Variants in GPM6A observed in about 807,000 individuals in gnomAD.
The protein encoded by GPM6A is glycoprotein M6A.
Under a neutral mutation model 32.1 loss-of-function variants are expected in GPM6A, and 7 were observed. The observed-to-expected ratio is 0.22, with a 90% CI of 0.12 to 0.41. GPM6A has a LOEUF of 0.41. GPM6A is among the 10% of genes least tolerant of loss of function. The pLI is 1.00. For missense variants in GPM6A, 235 were observed against 347.2 expected, an observed-to-expected ratio of 0.68 and a Z score of 2.57; for synonymous variants, 130 against 123.4, an observed-to-expected ratio of 1.05 and a Z score of -0.35.
intron 1 of GPM6A, among the ~76,000 whole-genome samples, chr4:175,752,585 G>A (rs1310195553): frequency 2.0e-5 from 3 of 152,108 alleles, no homozygotes; most frequent in Non-Finnish European, 2.9e-5. Context: ...CCTACAAGAA[G>A]ACATATTTCC....
At chr4:175,685,644 T>G (rs1166235525) in intron 2 of GPM6A, among the ~76,000 whole-genome samples, 2 of 152,218 alleles carry the variant, frequency 1.3e-5, no homozygotes, top group African/African-American at 4.8e-5. Flanking sequence ...TTATTTCTTG[T>G]TTGCCAATTA....
At chr4:175,697,695 T>C (rs1231288179) in intron 2 of GPM6A, among the ~76,000 whole-genome samples, 1 of 152,158 alleles carries the variant, frequency 6.6e-6, no homozygotes, top group African/African-American at 2.4e-5. Context: ...AAATGAGTTA[T>C]ATAAATGAGT....
At chr4:175,759,583 T>G (rs995334638) in intron 1 of GPM6A, among the ~76,000 whole-genome samples, 3 of 152,198 alleles carry the variant, frequency 2.0e-5, no homozygotes, top group Non-Finnish European at 4.4e-5. Flanking sequence ...ATTATGAGTT[T>G]AAACTCATAT....
At chr4:175,761,248 CCAT>C (rs1732726920) in intron 1 of GPM6A, among the ~76,000 whole-genome samples, 1 of 152,198 alleles carries the variant, frequency 6.6e-6, no homozygotes, top group Admixed American at 6.5e-5. Flanking sequence ...CCTCACACCA[CCAT>C]GTCTGCCTGT....
At position 175,752,079 on chromosome 4, in the gene GPM6A, A is replaced by G. The variant is rs73006360; in HGVS notation, c.38-50312T>C. Among the ~76,000 whole-genome samples the G allele has an allele frequency of 4.7e-3, 713 of 152,066 alleles. 3 individuals carry two copies. The highest frequency in any genetic ancestry group is 0.016 in the African/African-American group (645 of 41,480). On this transcript the variant is annotated intron_variant, in intron 1 of 6. Coordinates refer to ENST00000393658, the MANE Select transcript of GPM6A (RefSeq NM_201591.3). ...GTACCTAATTGCTGAAAACTATGGA[A>G]CCTTCCTGTTTTTCTCTTTTTTCAA...
chr4:175,855,453 T>C (rs1196699286), intron 1 of GPM6A, among the ~76,000 whole-genome samples: 2 of 152,086 alleles, frequency 1.3e-5, no homozygotes, highest in Middle Eastern at 3.2e-3. Flanking sequence ...GTATTACAAA[T>C]GTATGAAAAA....
At chr4:175,873,234 G>T (rs1736968521) in intron 1 of GPM6A, among the ~76,000 whole-genome samples, 1 of 151,584 alleles carries the variant, frequency 6.6e-6, no homozygotes, top group African/African-American at 2.4e-5. Context: ...TCACACACAG[G>T]CATTCCTTTA....
chr4:175,696,329 T>C (rs750628847), intron 2 of GPM6A, among the ~76,000 whole-genome samples: 1 of 152,162 alleles, frequency 6.6e-6, no homozygotes, highest in Non-Finnish European at 1.5e-5. Context: ...GCAGAGACAA[T>C]ATGGAACAAG....
chr4:175,780,103 C>T (rs116791749), intron 1 of GPM6A, among the ~76,000 whole-genome samples: 3,377 of 150,132 alleles, frequency 0.022, 60 homozygotes, highest in Non-Finnish European at 0.031. Context: ...AGTGAAGTGG[C>T]GTGGCGTGAT....
intron 1 of GPM6A, among the ~76,000 whole-genome samples, chr4:175,983,040 G>A (rs1740864673): frequency 6.6e-6 from 1 of 151,950 alleles, no homozygotes; most frequent in Non-Finnish European, 1.5e-5. Context: ...ATTTTATTTT[G>A]TCAAGTGACT....
At chr4:175,782,441 A>T (rs993334062) in intron 1 of GPM6A, among the ~76,000 whole-genome samples, 1 of 152,160 alleles carries the variant, frequency 6.6e-6, no homozygotes, top group Non-Finnish European at 1.5e-5. Context: ...AATTATACCC[A>T]GCCCTGTAAG....
At chr4:175,927,576 T>C (rs1738885244) in intron 1 of GPM6A, among the ~76,000 whole-genome samples, 1 of 152,116 alleles carries the variant, frequency 6.6e-6, no homozygotes, top group Non-Finnish European at 1.5e-5. Context: ...CTTAATAGAG[T>C]ACTGGTTAAG....
chr4:175,679,247 A>G (rs1330747673), intron 2 of GPM6A, among the ~76,000 whole-genome samples: 3 of 151,918 alleles, frequency 2.0e-5, no homozygotes, highest in African/African-American at 7.3e-5. Flanking sequence ...CCCTTTTTGA[A>G]CGGAATGTTC....
At chr4:175,707,978 T>C (rs2111081634) in intron 1 of GPM6A, among the ~76,000 whole-genome samples, 1 of 152,362 alleles carries the variant, frequency 6.6e-6, no homozygotes, top group African/African-American at 2.4e-5. Context: ...CACTGGGTTT[T>C]TAAAAATACA....
At chr4:175,826,402 C>T (rs929737181) in intron 1 of GPM6A, among the ~76,000 whole-genome samples, 3 of 151,902 alleles carry the variant, frequency 2.0e-5, no homozygotes, top group African/African-American at 7.3e-5. Flanking sequence ...GACTCCAAAG[C>T]TATCACACTT....
At chr4:175,848,568 G>C (rs900205408) in intron 1 of GPM6A, among the ~76,000 whole-genome samples, 1 of 152,242 alleles carries the variant, frequency 6.6e-6, no homozygotes, top group Admixed American at 6.5e-5. Context: ...AGAGACTAGA[G>C]TTACACATAA....
rs139957714 is a variant in GPM6A at position 175,720,310 on chromosome 4, T to C, written c.38-18543A>G. Among the ~76,000 whole-genome samples, 365 of 152,312 alleles carry C rather than the reference T, an allele frequency of 2.4e-3. 4 individuals carry two copies. The highest frequency in any genetic ancestry group is 8.6e-3 in the African/African-American group (358 of 41,576). ...AACCTGCACTTCACATAAATCTTTT[T>C]ATTTCATGTTACTAATCCCCAGAAT... On this transcript the variant is annotated intron_variant, in intron 1 of 6. Transcript: ENST00000393658.
At position 175,722,861 on chromosome 4, in the gene GPM6A, T is replaced by C. The variant is rs561163284; in HGVS notation, c.38-21094A>G. Among the ~76,000 whole-genome samples the C allele has an allele frequency of 5.4e-5, 8 of 146,942 alleles. No individual in the cohort carries two copies. In the South Asian group the frequency reaches 1.6e-3, roughly 29 times the overall value. On this transcript the variant is annotated intron_variant, in intron 1 of 6. Coordinates refer to ENST00000393658, the MANE Select transcript of GPM6A (RefSeq NM_201591.3). ...GAGTTCGAGGCCTGTCTGGCCAACA[T>C]GGCAAAACTGTCTTTACAAAGAAAT...
At chr4:175,931,709 C>CATATAT (rs3034786) in intron 1 of GPM6A, among the ~76,000 whole-genome samples, 187 of 129,284 alleles carry the variant, frequency 1.4e-3, no homozygotes, top group African/African-American at 4.9e-3. Flanking sequence ...CACACACACA[C>CATATAT]ATATATATAT....
Sources: gnomAD v4.1 joint callset for allele counts (sites outside exome capture counted in the v4.1 genomes callset) on GRCh38, gnomAD v4.1.1 for gene constraint, MANE v1.5 for transcripts, NCBI Gene and HGNC (gene_info 2026-07-23, HGNC 2026-07-21) for gene names.